Variants in NCKAP5 observed in about 807,000 individuals in gnomAD.
NCKAP5 encodes the protein nck-associated protein 5.
NCKAP5 carries 92 observed loss-of-function variants against 167.0 expected under a neutral mutation model. That is an observed-to-expected ratio of 0.55 (90% CI 0.47 to 0.66). NCKAP5 has a LOEUF of 0.66. NCKAP5 is among the 30% of genes least tolerant of loss of function. The pLI, the probability that NCKAP5 is intolerant of heterozygous loss-of-function variation, is 0.00. For missense variants in NCKAP5, 2,378 were observed against 2,315.0 expected (o/e 1.03, Z -0.56); for synonymous variants, 891 against 877.4 (o/e 1.02, Z -0.27).
At chr2:132,831,645 A>G (rs1385358139) in intron 11 of NCKAP5, among the ~76,000 whole-genome samples, 1 of 151,844 alleles carries the variant, frequency 6.6e-6, no homozygotes, top group Non-Finnish European at 1.5e-5. Context: ...TTAATATTGG[A>G]ATTTTTCCCT....
At chr2:132,883,862 G>A (rs1269860883) in intron 8 of NCKAP5, among the ~76,000 whole-genome samples, 3 of 152,176 alleles carry the variant, frequency 2.0e-5, no homozygotes, top group Non-Finnish European at 4.4e-5. Context: ...TGTCTTCTTT[G>A]GCAGGTGCTT....
intron 3 of NCKAP5, among the ~76,000 whole-genome samples, chr2:133,504,572 CT>C (rs978506365): frequency 1.3e-5 from 2 of 152,118 alleles, no homozygotes; most frequent in Admixed American, 6.5e-5. Flanking sequence ...TGCATTTTAT[CT>C]TTTGGCATGC....
chr2:133,540,933 C>CAAAA (rs10666328), intron 2 of NCKAP5, among the ~76,000 whole-genome samples: 4 of 100,014 alleles, frequency 4.0e-5, no homozygotes, highest in East Asian at 2.6e-4. Flanking sequence ...GACTCTGTCT[C>CAAAA]AAAAAAAAAA....
At chr2:133,058,282 C>G (rs2149506720) in intron 6 of NCKAP5, among the ~76,000 whole-genome samples, 1 of 152,300 alleles carries the variant, frequency 6.6e-6, no homozygotes, top group Admixed American at 6.5e-5. Flanking sequence ...TCTCAACTCT[C>G]AGGCCTTATT....
chr2:133,487,188 C>T (rs1165961176), intron 3 of NCKAP5, among the ~76,000 whole-genome samples: 4 of 152,076 alleles, frequency 2.6e-5, no homozygotes, highest in African/African-American at 9.7e-5. Flanking sequence ...ATTCAACATT[C>T]GTGTGCCTTC....
intron 11 of NCKAP5, among the ~76,000 whole-genome samples, chr2:132,818,190 C>T (rs1349472573): frequency 6.6e-6 from 1 of 152,212 alleles, no homozygotes; most frequent in African/African-American, 2.4e-5. Flanking sequence ...TCAAGCTATC[C>T]ACCTGCCTCG....
At chr2:132,905,583 T>C (rs1287517770) in intron 8 of NCKAP5, among the ~76,000 whole-genome samples, 1 of 152,226 alleles carries the variant, frequency 6.6e-6, no homozygotes, top group Non-Finnish European at 1.5e-5. Flanking sequence ...GGCCTGCCTA[T>C]CTTGGAACAT....
intron 11 of NCKAP5, among the ~76,000 whole-genome samples, chr2:132,860,033 A>C (rs16842645): frequency 0.27 from 41,255 of 152,090 alleles, 6,066 homozygotes; most frequent in East Asian, 0.45. Flanking sequence ...ACGTTCTGTT[A>C]TAAGAAGGAA....
intron 3 of NCKAP5, among the ~76,000 whole-genome samples, chr2:133,397,868 G>T (rs1217562829): frequency 6.6e-6 from 1 of 152,168 alleles, no homozygotes; most frequent in Non-Finnish European, 1.5e-5. Flanking sequence ...CCCCCCAAGA[G>T]ATTCTCAGGC....
intron 6 of NCKAP5, among the ~76,000 whole-genome samples, chr2:133,113,301 G>C (rs993772621): frequency 9.2e-5 from 14 of 151,940 alleles, no homozygotes; most frequent in Non-Finnish European, 1.9e-4. Flanking sequence ...TATTTTGAGA[G>C]CATATAATTT....
chr2:133,299,493 T>G (rs1236663296), intron 4 of NCKAP5, among the ~76,000 whole-genome samples: 1 of 152,058 alleles, frequency 6.6e-6, no homozygotes, highest in African/African-American at 2.4e-5. Context: ...ACACCTGTAA[T>G]CTCAGCACTT....
intron 8 of NCKAP5, among the ~76,000 whole-genome samples, chr2:132,943,193 T>C (rs1232807464): frequency 6.6e-6 from 1 of 152,214 alleles, no homozygotes; most frequent in African/African-American, 2.4e-5. Flanking sequence ...TGGTAAACAA[T>C]GACATTTCTC....
At chr2:133,343,509 A>T (rs1025423199) in intron 3 of NCKAP5, among the ~76,000 whole-genome samples, 2 of 151,840 alleles carry the variant, frequency 1.3e-5, no homozygotes, top group Admixed American at 6.6e-5. Flanking sequence ...GGCAAAAATT[A>T]AAAAAAAATT....
intron 4 of NCKAP5, among the ~76,000 whole-genome samples, chr2:133,291,411 C>T (rs1679590229): frequency 6.6e-6 from 1 of 152,126 alleles, no homozygotes; most frequent in African/African-American, 2.4e-5. Flanking sequence ...CAGCATTGTC[C>T]TCGTCAACAG....
chr2:132,706,965 T>C (rs904143445), intron 19 of NCKAP5, among the ~76,000 whole-genome samples: 30 of 152,302 alleles, frequency 2.0e-4, no homozygotes, highest in Admixed American at 7.2e-4. Flanking sequence ...TGAAGCAAGA[T>C]GGATGAATAG....
At chr2:133,376,933 C>T (rs916889609) in intron 3 of NCKAP5, among the ~76,000 whole-genome samples, 5 of 152,280 alleles carry the variant, frequency 3.3e-5, no homozygotes, top group South Asian at 2.1e-4. Context: ...TATAACCTTA[C>T]AGCTCTGTAG....
intron 3 of NCKAP5, among the ~76,000 whole-genome samples, chr2:133,453,294 C>G (rs753840853): frequency 6.6e-6 from 1 of 152,078 alleles, no homozygotes; most frequent in Non-Finnish European, 1.5e-5. Flanking sequence ...ACTTATAGAA[C>G]CACTGAATAA....
At chr2:132,869,476 T>C (rs1338352411) in intron 9 of NCKAP5, among the ~76,000 whole-genome samples, 1 of 152,210 alleles carries the variant, frequency 6.6e-6, no homozygotes, top group Non-Finnish European at 1.5e-5. Context: ...TGCTTTCATC[T>C]TCAATGTTTT....
chr2:133,540,083 C>T (rs554044356), intron 2 of NCKAP5, among the ~76,000 whole-genome samples: 3 of 151,844 alleles, frequency 2.0e-5, no homozygotes, highest in African/African-American at 4.8e-5. Context: ...CAGGAGGCTG[C>T]GGTAGGGGAA....
Sources: gnomAD v4.1 joint callset for allele counts (sites outside exome capture counted in the v4.1 genomes callset) on GRCh38, gnomAD v4.1.1 for gene constraint, MANE v1.5 for transcripts, NCBI Gene and HGNC (gene_info 2026-07-23, HGNC 2026-07-21) for gene names.